Variants in JAM3 observed in about 807,000 individuals in gnomAD.
JAM3 encodes the protein junctional adhesion molecule C.
JAM3 carries 31 observed loss-of-function variants against 39.4 expected under a neutral mutation model. The ratio of observed to expected loss-of-function variants is 0.79; its 90% CI spans 0.59 to 1.06. The LOEUF is 1.06. JAM3 is among the 50% of genes least tolerant of loss of function. The probability of loss-of-function intolerance (pLI) is 0.00; values close to 1 mark genes in which losing one functional copy is unlikely to be tolerated. For missense variants in JAM3, 455 were observed against 391.4 expected, an observed-to-expected ratio of 1.16 and a Z score of -1.37; for synonymous variants, 182 against 148.7, an observed-to-expected ratio of 1.22 and a Z score of -1.63.
In JAM3 at chr11:134,144,304, G is replaced by T; in HGVS notation, c.320G>T (p.Arg107Leu). 6.2e-7 allele frequency: 1 copy of T among 1,614,156 alleles called. No individual in the cohort carries two copies. Among genetic ancestry groups the T allele is most frequent in the Non-Finnish European group, 8.5e-7 (1 of 1,179,990 alleles). Residue 107 changes from arginine (R) to leucine (L), a missense_variant, in exon 4 of 9, where the codon CGG becomes CTG. Physicochemically the swap from Arg to Leu is moderately radical, Grantham distance 102 (BLOSUM62 -2). Transcript: ENST00000299106. ...KTSLKIWNVT[R>L]RDSALYRCEV... is the part of the protein sequence containing the mutation. ...TCCCTGAAGATCTGGAATGTGACACGGAGAGACTCAGCCCTTTATCGCTGT... is the reference window on the plus strand; with the variant it reads ...TCCCTGAAGATCTGGAATGTGACACTGAGAGACTCAGCCCTTTATCGCTGT...
chr11:134,130,816 T>C (rs1439579164), intron 1 of JAM3, among the ~76,000 whole-genome samples: 1 of 152,214 alleles, frequency 6.6e-6, no homozygotes, highest in African/African-American at 2.4e-5. Flanking sequence ...TATTCCAGCC[T>C]TTCTGGGGGA....
At chr11:134,149,112 C>G in intron 8 of JAM3, 34 bp from the exon 9 acceptor site, 1 of 1,613,688 alleles carries the variant, frequency 6.2e-7, no homozygotes, top group Non-Finnish European at 8.5e-7. Context: ...CCACCAGGCC[C>G]CTTGATGGCT....
At chr11:134,141,429 G>A (rs1942970460) in intron 3 of JAM3, among the ~76,000 whole-genome samples, 1 of 152,008 alleles carries the variant, frequency 6.6e-6, no homozygotes, top group Non-Finnish European at 1.5e-5. Context: ...ACTGTTGCCG[G>A]TACATGGACA....
chr11:134,099,587 C>A (rs1942039145), intron 1 of JAM3, among the ~76,000 whole-genome samples: 1 of 152,124 alleles, frequency 6.6e-6, no homozygotes, highest in Non-Finnish European at 1.5e-5. Flanking sequence ...CCCTTTGCCT[C>A]CTGTATTTTT....
intron 1 of JAM3, among the ~76,000 whole-genome samples, chr11:134,102,187 A>G (rs1942087548): frequency 6.6e-6 from 1 of 152,184 alleles, no homozygotes; most frequent in Non-Finnish European, 1.5e-5. Context: ...GAGTTCATAT[A>G]AAACCCAGAC....
rs78372137 is a variant in JAM3, at chr11:134,084,269, A to T, written c.76+15110A>T. On this transcript the variant is annotated intron_variant, in intron 1 of 8. Transcript: ENST00000299106. ...CCTATCTGTAAAGCCTTTTTAATGG[A>T]TCTCTTCACTGAGGTGATCTCTTCC... is the stretch of plus-strand genomic sequence containing the variant. Among the ~76,000 whole-genome samples the T allele has an allele frequency of 5.2e-4, 79 of 152,338 alleles. 1 individual carries two copies. The highest frequency in any genetic ancestry group is 4.6e-3 in the South Asian group (22 of 4,834).
chr11:134,124,404 C>A, intron 1 of JAM3: 1 of 601,608 alleles, frequency 1.7e-6, no homozygotes, highest in Non-Finnish European at 3.0e-6. Flanking sequence ...CAAAATGTTT[C>A]ACAGCAGAAA....
intron 2 of JAM3, among the ~76,000 whole-genome samples, 181 bp from the exon 3 acceptor site, chr11:134,140,475 TA>T (rs1231995672): frequency 6.6e-6 from 1 of 152,202 alleles, no homozygotes; most frequent in East Asian, 1.9e-4. Context: ...AAATCCTTGC[TA>T]ATTATCTTTA....
chr11:134,143,139 A>T (rs1301075530), intron 3 of JAM3, among the ~76,000 whole-genome samples: 1 of 152,162 alleles, frequency 6.6e-6, no homozygotes, highest in Non-Finnish European at 1.5e-5. Flanking sequence ...GTCTTACAGT[A>T]GTTGCATGTT....
chr11:134,137,040 G>A (rs1942877564), intron 1 of JAM3, among the ~76,000 whole-genome samples: 1 of 151,656 alleles, frequency 6.6e-6, no homozygotes, highest in Non-Finnish European at 1.5e-5. Context: ...GTGAACCCAA[G>A]AGGCGGAGCT....
At chr11:134,088,810 G>A (rs1210696355) in intron 1 of JAM3, among the ~76,000 whole-genome samples, 3 of 152,086 alleles carry the variant, frequency 2.0e-5, no homozygotes, top group Admixed American at 6.5e-5. Flanking sequence ...TATTTTTTGA[G>A]ATGGAGTCTC....
intron 1 of JAM3, among the ~76,000 whole-genome samples, chr11:134,111,468 CA>C (rs1942309330): frequency 6.6e-6 from 1 of 152,020 alleles, no homozygotes; most frequent in East Asian, 1.9e-4. Flanking sequence ...TGCCATTATG[CA>C]CAATCATAAG....
Position 134,150,613 on chromosome 11 carries a change from G to C in JAM3, c.*1432G>C, listed in dbSNP as rs1840584323. ...AACAGACCTCTTTTTGGTTATGGAT[G>C]GCTCACAAAATAGGGCCCCCAATGC... On this transcript the variant is annotated 3_prime_UTR_variant, in exon 9 of 9. Coordinates refer to ENST00000299106, the MANE Select transcript of JAM3 (RefSeq NM_032801.5). The C allele has an allele frequency of 6.6e-6, 1 of 152,152 alleles. No individual in the cohort carries two copies. Among genetic ancestry groups the C allele is most frequent in the East Asian group, 1.9e-4 (1 of 5,174 alleles). The allele number at this position is 152,152 out of a possible 1,614,324, so 9.4% of individuals were successfully genotyped here.
At chr11:134,077,788 A>G (rs960420959) in intron 1 of JAM3, among the ~76,000 whole-genome samples, 1 of 151,104 alleles carries the variant, frequency 6.6e-6, no homozygotes, top group African/African-American at 2.4e-5. Flanking sequence ...CTGGGATTAC[A>G]GGTGCCCGCC....
intron 5 of JAM3, 170 bp downstream of exon 5, chr11:134,145,164 C>T (rs888319123): frequency 1.0e-5 from 7 of 668,368 alleles, no homozygotes; most frequent in East Asian, 2.7e-5. Context: ...CTTTTATAAA[C>T]AAGTACATTC....
At chr11:134,098,783 C>T (rs904032355) in intron 1 of JAM3, among the ~76,000 whole-genome samples, 3 of 152,124 alleles carry the variant, frequency 2.0e-5, no homozygotes, top group Admixed American at 1.3e-4. Flanking sequence ...CCTGCTGATA[C>T]TTGTGAGGGA....
intron 1 of JAM3, among the ~76,000 whole-genome samples, chr11:134,085,313 A>T (rs955083037): frequency 7.2e-5 from 11 of 152,210 alleles, no homozygotes; most frequent in African/African-American, 2.7e-4. Context: ...TATTAATATT[A>T]AATTTTAAAA....
chr11:134,101,916 A>C (rs994774416), intron 1 of JAM3, among the ~76,000 whole-genome samples: 1 of 152,090 alleles, frequency 6.6e-6, no homozygotes, highest in Admixed American at 6.6e-5. Context: ...AAAATTTAAA[A>C]ATTAGGTGTG....
intron 1 of JAM3, among the ~76,000 whole-genome samples, chr11:134,103,876 T>A (rs1345087317): frequency 1.3e-5 from 2 of 152,190 alleles, no homozygotes; most frequent in African/African-American, 4.8e-5. Context: ...CTTAGGGACC[T>A]ACAAAGAGAC....
Sources: gnomAD v4.1 joint callset for allele counts (sites outside exome capture counted in the v4.1 genomes callset) on GRCh38, gnomAD v4.1.1 for gene constraint, MANE v1.5 for transcripts, NCBI Gene and HGNC (gene_info 2026-07-23, HGNC 2026-07-21) for gene names.